DHRS13: variants seen among roughly 807,000 people sequenced by gnomAD.
The protein encoded by DHRS13 is dehydrogenase/reductase 13.
A neutral mutation model predicts 17.9 loss-of-function variants in DHRS13; 22 were observed. The observed-to-expected ratio is 1.23, with a 90% CI of 0.88 to 1.75. DHRS13 has a LOEUF of 1.75. Among genes scored for constraint, DHRS13 ranks in the 40% most tolerant of loss-of-function variants. DHRS13 has a pLI of 0.00. For missense variants in DHRS13, 483 were observed against 519.9 expected (o/e 0.93, Z 0.69); for synonymous variants, 206 against 220.4 (o/e 0.93, Z 0.58).
At position 28,901,682 on chromosome 17, in the gene DHRS13, C is replaced by A; in HGVS notation, c.247-66G>T. The A allele has an allele frequency of 6.3e-7, 1 of 1,597,220 alleles. No homozygotes were observed. The highest frequency in any genetic ancestry group is 1.1e-5 in the South Asian group (1 of 89,620). On this transcript the variant is annotated intron_variant, in intron 2 of 4. Transcript: ENST00000378895. This position sits in a 1 kb window ranked among gnomAD's most constrained non-coding sequence, Gnocchi z 4.3. ...TCTCCTCTTCCCTCTCCCCAGGCACCAAATTCTGAGAGTCCATCTCCTACT... is the reference window on the plus strand; with the variant it reads ...TCTCCTCTTCCCTCTCCCCAGGCACAAAATTCTGAGAGTCCATCTCCTACT...
chr17:28,898,830 G>C lies in DHRS13; in HGVS notation c.745C>G (p.Pro249Ala). 1 of 1,609,144 alleles carries C rather than the reference G, an allele frequency of 6.2e-7. No homozygotes were observed. ...VPGWLRPLLRPLAWLVLRAPR... is the reference protein window; with the variant it reads ...VPGWLRPLLRALAWLVLRAPR... ...GCCCGGAGCACCAGCCAAGCCAATG[G>C]GCGCAAAAGTGGGCGCAGCCATCCA... The change falls in exon 5 of 5, where the codon CCA (proline) becomes GCA (alanine). Residue 249 changes from proline to alanine, a missense_variant. Physicochemically the swap from Pro to Ala is conservative, Grantham distance 27. Transcript: ENST00000378895.
rs900011264 is a variant in DHRS13, at chr17:28,899,090, C to T, written c.683-198G>A. On this transcript the variant is annotated intron_variant, in intron 4 of 4. Transcript: ENST00000378895. This position sits in a 1 kb window ranked among gnomAD's most constrained non-coding sequence, Gnocchi z 4.7. ...TAGAACAGAGCTAGAAGAACAGGGACAGAATCTGGTTTCAAGGGAACCAGG... is the reference window on the plus strand; with the variant it reads ...TAGAACAGAGCTAGAAGAACAGGGATAGAATCTGGTTTCAAGGGAACCAGG... 1.8e-6 allele frequency: 1 copy of T among 549,746 alleles called. No individual in the cohort carries two copies. Among genetic ancestry groups the T allele is most frequent in the African/African-American group, 2.0e-5 (1 of 50,856 alleles). The allele number at this position is 549,746 out of a possible 1,614,324, so 34.1% of individuals were successfully genotyped here. A position where few individuals can be genotyped will look rare whatever the true frequency, so the allele number is the denominator to read the frequency against.
intron 4 of DHRS13, among the ~76,000 whole-genome samples, chr17:28,900,079 A>G (rs2039794327): frequency 6.6e-6 from 1 of 151,748 alleles, no homozygotes; most frequent in African/African-American, 2.4e-5. Flanking sequence ...ACACCTGGCT[A>G]ATTTTTGTAT....
At position 28,901,412 on chromosome 17, in the gene DHRS13, C is replaced by A; in HGVS notation, c.370+81G>T. 1 of 1,603,056 alleles carries A rather than the reference C, an allele frequency of 6.2e-7. No individual in the cohort carries two copies. Among genetic ancestry groups the A allele is most frequent in the Non-Finnish European group, 8.5e-7 (1 of 1,174,776 alleles). On this transcript the variant is annotated intron_variant, in intron 3 of 4. Coordinates refer to ENST00000378895, the MANE Select transcript of DHRS13 (RefSeq NM_144683.4). The surrounding 1 kb of genome is among the most constrained non-coding windows in gnomAD (Gnocchi z 4.3). ...CATCCTTCCCATGTGTCCACTGGCC[C>A]CAGCAGGGCCCCCGCTGGAGGGGGC...
At position 28,901,416 on chromosome 17, in the gene DHRS13, C is replaced by T; in HGVS notation, c.370+77G>A. ...CTTCCCATGTGTCCACTGGCCCCAG[C>T]AGGGCCCCCGCTGGAGGGGGCAGTT... On this transcript the variant is annotated intron_variant, in intron 3 of 4. Coordinates refer to ENST00000378895, the MANE Select transcript of DHRS13 (RefSeq NM_144683.4). The surrounding 1 kb of genome is among the most constrained non-coding windows in gnomAD (Gnocchi z 4.3). 6 of 1,604,036 alleles carry T rather than the reference C, an allele frequency of 3.7e-6. No individual in the cohort carries two copies. The highest frequency in any genetic ancestry group is 2.2e-5 in the East Asian group (1 of 44,730).
chr17:28,898,635 C>G lies in DHRS13; in HGVS notation c.940G>C (p.Gly314Arg), dbSNP rs752191036. Residue 314 changes from glycine (G) to arginine (R), a missense_variant, in exon 5 of 5, where the codon GGG (glycine) becomes CGG (arginine). Physicochemically the swap from Gly to Arg is moderately radical, Grantham distance 125. Transcript: ENST00000378895. ...TCGGGTTCAGCATCCTCCCCAGGCC[C>G]AAGCCCTGCCAGCCTCTTGCTGGCC... ...WEASKRLAGLGPGEDAEPDED... is the reference protein window; with the variant it reads ...WEASKRLAGLRPGEDAEPDED... 26 of 1,613,596 alleles carry G rather than the reference C, an allele frequency of 1.6e-5. No individual in the cohort carries two copies. The highest frequency in any genetic ancestry group is 1.3e-4 in the Admixed American group (8 of 59,930).
In DHRS13 at chr17:28,899,741, T is replaced by C. The variant is rs1272282400; in HGVS notation, c.683-849A>G. 6.6e-6 allele frequency among the ~76,000 whole-genome samples: 1 copy of C among 152,166 alleles called. No individual in the cohort carries two copies. The highest frequency in any genetic ancestry group is 1.5e-5 in the Non-Finnish European group (1 of 68,026). On this transcript the variant is annotated intron_variant, in intron 4 of 4. Transcript: ENST00000378895. This position sits in a 1 kb window ranked among gnomAD's most constrained non-coding sequence, Gnocchi z 4.7. ...TTCTGTTTTGGAGACAGAGTCTCGC[T>C]CTGTCACCCAGGCTGGAGTACAGTG...
rs759295428 is a variant in DHRS13, at chr17:28,902,865, G to C, written c.80C>G (p.Pro27Arg). Residue 27 changes from proline (P) to arginine (R), a missense_variant, in exon 1 of 5, where the codon CCG (proline) becomes CGG (arginine). Pro to Arg is a moderately radical substitution (Grantham distance 103). Transcript: ENST00000378895. This position sits in a 1 kb window ranked among gnomAD's most constrained non-coding sequence, Gnocchi z 4.0. ...LVYYNLVKAP[P>R]CGGMGNLRGR... Reference sequence around the variant, plus strand: ...CCGCAGGTTGCCCATGCCGCCGCACGGCGGGGCCTTCACCAGGTTGTAGTA... The same window carrying C: ...CCGCAGGTTGCCCATGCCGCCGCACCGCGGGGCCTTCACCAGGTTGTAGTA... 1.8e-5 allele frequency: 28 copies of C among 1,550,868 alleles called. No individual in the cohort carries two copies. Among genetic ancestry groups the C allele is most frequent in the Non-Finnish European group, 2.3e-5 (27 of 1,157,006 alleles).
Position 28,898,638 on chromosome 17 carries a change from G to A in DHRS13, c.937C>T (p.Leu313Phe), listed in dbSNP as rs918076262. The A allele has an allele frequency of 4.3e-6, 7 of 1,613,646 alleles. No individual in the cohort carries two copies. Among genetic ancestry groups the A allele is most frequent in the Non-Finnish European group, 5.9e-6 (7 of 1,179,880 alleles). ...LWEASKRLAG[L>F]GPGEDAEPDE... is the part of the protein sequence containing the mutation. ...GGTTCAGCATCCTCCCCAGGCCCAA[G>A]CCCTGCCAGCCTCTTGCTGGCCTCC... The change falls in exon 5 of 5, where the codon CTT becomes TTT. Residue 313 changes from leucine to phenylalanine, a missense_variant. Physicochemically the swap from Leu to Phe is conservative, Grantham distance 22. Transcript: ENST00000378895.
chr17:28,901,159 A>G lies in DHRS13; in HGVS notation c.513T>C (p.Ala171=). 1.2e-6 allele frequency: 2 copies of G among 1,614,168 alleles called. No individual in the cohort carries two copies. The highest frequency in any genetic ancestry group is 1.7e-6 in the Non-Finnish European group (2 of 1,180,008). ...APSRVVVVAS[A]AHCRGRLDFK... The stretch of plus-strand genomic sequence containing the variant: ...AGTCAAGACGTCCCCGACAGTGGGC[A>G]GCTGAGGCTACCACCACCACGCGGC... The change falls in exon 4 of 5, where the codon GCT becomes GCC. Residue 171 remains alanine, a synonymous_variant. Coordinates refer to ENST00000378895, the MANE Select transcript of DHRS13 (RefSeq NM_144683.4). This position sits in a 1 kb window ranked among gnomAD's most constrained non-coding sequence, Gnocchi z 4.3.
Position 28,901,539 on chromosome 17 carries a change from G to C in DHRS13, c.324C>G (p.Ala108=), listed in dbSNP as rs1055479031. 2 of 1,614,106 alleles carry C rather than the reference G, an allele frequency of 1.2e-6. No homozygotes were observed. Among genetic ancestry groups the C allele is most frequent in the Admixed American group, 3.3e-5 (2 of 60,006 alleles). ...CCAACCGTGGCTCAGAGCTCAGAAA[G>C]GCAGTGGCAAAGGCCCGCACCGAGG... ...SLASVRAFAT[A]FLSSEPRLDI... The change falls in exon 3 of 5, where the codon GCC becomes GCG. Residue 108 remains alanine (A), a synonymous_variant. Transcript: ENST00000378895. This position sits in a 1 kb window ranked among gnomAD's most constrained non-coding sequence, Gnocchi z 4.3.
Position 28,902,572 on chromosome 17 carries a change from C to T in DHRS13, c.246+11G>A. The T allele has an allele frequency of 2.0e-6, 3 of 1,478,258 alleles. No individual in the cohort carries two copies. The highest frequency in any genetic ancestry group is 1.8e-6 in the Non-Finnish European group (2 of 1,123,354). 91.6% of individuals were successfully genotyped at this position (1,478,258 alleles called of 1,614,324 possible). ...CGGCTCACCGTCCCACGCGCCCCCG[C>T]TGCCTCTCACCTGGCGGAGGTCGAA... On this transcript the variant is annotated intron_variant, in intron 2 of 4. Transcript: ENST00000378895. This position sits in a 1 kb window ranked among gnomAD's most constrained non-coding sequence, Gnocchi z 4.0.
Position 28,898,476 on chromosome 17 carries a change from G to A in DHRS13, c.1099C>T (p.Gln367Ter), listed in dbSNP as rs1360322377. ...TGGATCTCAGGCTCAACTTTAGCCTGAATTCGGTGCGTCATCTTAGACAAA... is the reference window on the plus strand; with the variant it reads ...TGGATCTCAGGCTCAACTTTAGCCTAAATTCGGTGCGTCATCTTAGACAAA... Reference protein sequence around the residue: ...PDLSKMTHRIQAKVEPEIQLS With the variant: ...PDLSKMTHRI The change falls in exon 5 of 5, where the codon CAG becomes TAG. Residue 367 changes from glutamine (Q) to a stop codon, truncating the protein, a stop_gained. Transcript: ENST00000378895. LOFTEE classifies it high-confidence loss of function. The A allele has an allele frequency of 1.3e-6, 2 of 1,573,008 alleles. No homozygotes were observed. The highest frequency in any genetic ancestry group is 2.7e-5 in the African/African-American group (2 of 73,928).
In DHRS13 at chr17:28,898,523, G is replaced by T; in HGVS notation, c.1052C>A (p.Pro351His). 6.2e-7 allele frequency: 1 copy of T among 1,610,096 alleles called. No homozygotes were observed. Among genetic ancestry groups the T allele is most frequent in the East Asian group, 2.2e-5 (1 of 44,764 alleles). ...CAAATCTGGTGAGCTCTGAGGGCTG[G>T]GGTAAGGTTGAGAAACTGTGGGCTC... ...PEEPTVSQPY[P>H]SPQSSPDLSK... The change falls in exon 5 of 5, where the codon CCC (proline) becomes CAC (histidine). Residue 351 changes from proline to histidine, a missense_variant. Transcript: ENST00000378895.
rs758335499 is a variant in DHRS13, at chr17:28,898,558, G to C, written c.1017C>G (p.Pro339=). 93 of 1,612,010 alleles carry C rather than the reference G, an allele frequency of 5.8e-5. No homozygotes were observed. In the East Asian group the frequency reaches 2.0e-3, roughly 35 times the overall value. The change falls in exon 5 of 5, where the codon CCC becomes CCG. Residue 339 remains proline (P), a synonymous_variant. Coordinates refer to ENST00000378895, the MANE Select transcript of DHRS13 (RefSeq NM_144683.4). Reference sequence around the variant, plus strand: ...GAGAAACTGTGGGCTCCTCAGGGTGGGGGGTGCTTAGAGAAGATGGGGCCT... The same window carrying C: ...GAGAAACTGTGGGCTCCTCAGGGTGCGGGGTGCTTAGAGAAGATGGGGCCT... ...DSEAPSSLST[P]HPEEPTVSQP...
chr17:28,902,575 C>A lies in DHRS13; in HGVS notation c.246+8G>T. 6.8e-7 allele frequency: 1 copy of A among 1,479,320 alleles called. No individual in the cohort carries two copies. The highest frequency in any genetic ancestry group is 8.9e-7 in the Non-Finnish European group (1 of 1,123,956). 91.6% of individuals were successfully genotyped at this position (1,479,320 alleles called of 1,614,324 possible). A position where few individuals can be genotyped will look rare whatever the true frequency, so the allele number is the denominator to read the frequency against. On this transcript the variant is annotated splice_region_variant and intron_variant, in intron 2 of 4. Transcript: ENST00000378895. The surrounding 1 kb of genome is among the most constrained non-coding windows in gnomAD (Gnocchi z 4.0). ...CTCACCGTCCCACGCGCCCCCGCTG[C>A]CTCTCACCTGGCGGAGGTCGAAGGC...
In DHRS13 at chr17:28,899,356, T is replaced by C. The variant is rs566000272; in HGVS notation, c.683-464A>G. The C allele has an allele frequency of 6.0e-4, 99 of 164,026 alleles. No individual in the cohort carries two copies. Among genetic ancestry groups the C allele is most frequent in the Non-Finnish European group, 2.8e-4 (21 of 76,252 alleles). 10.2% of individuals were successfully genotyped at this position (164,026 alleles called of 1,614,324 possible). On this transcript the variant is annotated intron_variant, in intron 4 of 4. Transcript: ENST00000378895. This position sits in a 1 kb window ranked among gnomAD's most constrained non-coding sequence, Gnocchi z 4.7. Reference sequence around the variant, plus strand: ...GTATACCAGCCACTATTTTGGACATTAGTGATATGGAGTGTAATAAAGACT... The same window carrying C: ...GTATACCAGCCACTATTTTGGACATCAGTGATATGGAGTGTAATAAAGACT...
rs200355771 is a variant in DHRS13, at chr17:28,901,493, C to A, written c.370G>T (p.Gly124Cys). Residue 124 changes from glycine (G) to cysteine (C), a missense_variant and splice_region_variant, in exon 3 of 5, where the codon GGT becomes TGT. Coordinates refer to ENST00000378895, the MANE Select transcript of DHRS13 (RefSeq NM_144683.4). The surrounding 1 kb of genome is among the most constrained non-coding windows in gnomAD (Gnocchi z 4.3). ...PRLDILIHNA[G>C]ISSCGRTREA... ...CCACGCAGGGCCTGCTGCCCCTCAC[C>A]GGCATTGTGGATGAGGATGTCCAAC... The A allele has an allele frequency of 8.7e-6, 14 of 1,613,928 alleles. No individual in the cohort carries two copies. The highest frequency in any genetic ancestry group is 7.7e-5 in the South Asian group (7 of 91,072).
Position 28,902,479 on chromosome 17 carries a change from C to T in DHRS13, c.246+104G>A. ...TCTTCGCGCTCAGCCGCCCGCGCCG[C>T]GCTCTCCTCCCTGGACCCGGATCCT... On this transcript the variant is annotated intron_variant, in intron 2 of 4. Transcript: ENST00000378895. The surrounding 1 kb of genome is among the most constrained non-coding windows in gnomAD (Gnocchi z 4.0). 1.7e-6 allele frequency: 2 copies of T among 1,187,812 alleles called. No individual in the cohort carries two copies. The highest frequency in any genetic ancestry group is 2.2e-6 in the Non-Finnish European group (2 of 911,048). 73.6% of individuals were successfully genotyped at this position (1,187,812 alleles called of 1,614,324 possible).
Sources: allele counts gnomAD v4.1 joint callset (sites outside exome capture counted in the v4.1 genomes callset), GRCh38; gene constraint gnomAD v4.1.1; non-coding constraint Gnocchi (gnomAD v3.1); transcripts MANE v1.5; gene names NCBI Gene and HGNC (gene_info 2026-07-23, HGNC 2026-07-21).